The following FOXP1 variants were observed in gnomAD, a reference collection of about 807,000 sequenced individuals.
FOXP1 encodes the protein forkhead box P1.
In FOXP1, 15 loss-of-function variants were observed where a neutral mutation model predicts 98.2. The observed-to-expected ratio is 0.15, with a 90% CI of 0.10 to 0.24. The LOEUF (loss-of-function observed/expected upper bound fraction) is 0.24, where lower values mean the gene tolerates loss of function less well. Ranked by LOEUF, FOXP1 falls within the 10% of genes least tolerant of loss-of-function variation. The probability of loss-of-function intolerance (pLI) is 1.00; values close to 1 mark genes in which losing one functional copy is unlikely to be tolerated. For missense variants in FOXP1, 633 were observed against 848.5 expected (o/e 0.75, Z 3.15); for synonymous variants, 371 against 314.5 (o/e 1.18, Z -1.90).
intron 3 of FOXP1, among the ~76,000 whole-genome samples, chr3:71,420,991 G>GT (rs145402940): frequency 0.012 from 1,825 of 152,164 alleles, 41 homozygotes; most frequent in African/African-American, 0.041. Context: ...CGGACTACAA[G>GT]TTTTTTTACA....
intron 2 of FOXP1, among the ~76,000 whole-genome samples, chr3:71,540,225 C>G (rs2044682401): frequency 1.3e-5 from 2 of 152,196 alleles, no homozygotes; most frequent in Admixed American, 1.3e-4. Context: ...AAGTTCAAGA[C>G]AATGTCACTA....
At chr3:71,500,579 C>T (rs1393620930) in intron 2 of FOXP1, among the ~76,000 whole-genome samples, 1 of 152,238 alleles carries the variant, frequency 6.6e-6, no homozygotes, top group East Asian at 1.9e-4. Context: ...TCTCCACCAT[C>T]TTCCACTACC....
intron 5 of FOXP1, among the ~76,000 whole-genome samples, chr3:71,291,616 A>G (rs1221298309): frequency 6.6e-6 from 1 of 152,116 alleles, no homozygotes. Flanking sequence ...GACAGTACTC[A>G]TATGTTTCAG....
At chr3:71,299,341 C>T (rs947470464) in intron 5 of FOXP1, among the ~76,000 whole-genome samples, 3 of 152,198 alleles carry the variant, frequency 2.0e-5, no homozygotes, top group Admixed American at 2.0e-4. Context: ...GCAGTTACAT[C>T]AATGTGGCGT....
chr3:71,079,077 A>G (rs1280979780), intron 7 of FOXP1, among the ~76,000 whole-genome samples: 1 of 152,162 alleles, frequency 6.6e-6, no homozygotes, highest in Admixed American at 6.5e-5. Context: ...TAAAGCATGT[A>G]GCCAGTATTT....
At chr3:71,182,832 G>A (rs937473699) in intron 6 of FOXP1, among the ~76,000 whole-genome samples, 9 of 151,822 alleles carry the variant, frequency 5.9e-5, no homozygotes, top group African/African-American at 1.2e-4. Context: ...GGCATGAGCC[G>A]CCATGCCTGG....
chr3:71,050,856 T>TTGGC (rs2049791289), intron 9 of FOXP1, among the ~76,000 whole-genome samples: 1 of 152,246 alleles, frequency 6.6e-6, no homozygotes. Flanking sequence ...TCGCAGTTCA[T>TTGGC]TAATTAGAGA....
chr3:71,482,058 A>G (rs1217090392), intron 3 of FOXP1, among the ~76,000 whole-genome samples: 1 of 151,860 alleles, frequency 6.6e-6, no homozygotes, highest in African/African-American at 2.4e-5. Flanking sequence ...ACATCTGATC[A>G]CTCTTGTCCT....
chr3:71,444,513 G>A (rs1481402704), intron 3 of FOXP1, among the ~76,000 whole-genome samples: 2 of 152,058 alleles, frequency 1.3e-5, no homozygotes, highest in East Asian at 1.9e-4. Flanking sequence ...AACTGTCAGG[G>A]CCCTGGCTCC....
chr3:71,401,769 TC>T (rs2081971139), intron 3 of FOXP1, among the ~76,000 whole-genome samples: 1 of 152,154 alleles, frequency 6.6e-6, no homozygotes, highest in Non-Finnish European at 1.5e-5. Flanking sequence ...GACGAGGCTC[TC>T]CCCATTCAAT....
intron 7 of FOXP1, among the ~76,000 whole-genome samples, chr3:71,088,922 A>C (rs1004277772): frequency 2.0e-5 from 3 of 152,210 alleles, no homozygotes; most frequent in Non-Finnish European, 2.9e-5. Context: ...AGTGAAGTGA[A>C]TAATACTTTG....
chr3:71,538,214 G>T (rs2044464512), intron 2 of FOXP1, among the ~76,000 whole-genome samples: 1 of 152,122 alleles, frequency 6.6e-6, no homozygotes, highest in Admixed American at 6.5e-5. Flanking sequence ...TTAAACAATA[G>T]AACTGAATGG....
chr3:71,417,292 G>A (rs1173925270), intron 3 of FOXP1, among the ~76,000 whole-genome samples: 1 of 152,068 alleles, frequency 6.6e-6, no homozygotes, highest in Non-Finnish European at 1.5e-5. Flanking sequence ...GGTTTATTCC[G>A]GCATCTGTTT....
At chr3:71,415,909 A>G (rs1441855966) in intron 3 of FOXP1, among the ~76,000 whole-genome samples, 1 of 152,196 alleles carries the variant, frequency 6.6e-6, no homozygotes, top group Non-Finnish European at 1.5e-5. Flanking sequence ...TAAGTAAACT[A>G]TTTGGTTTGG....
chr3:71,142,456 A>G (rs937484293), intron 6 of FOXP1, among the ~76,000 whole-genome samples: 1 of 152,368 alleles, frequency 6.6e-6, no homozygotes, highest in East Asian at 1.9e-4. Context: ...AACCCTTTCA[A>G]TTGGAGTTTA....
intron 20 of FOXP1, among the ~76,000 whole-genome samples, chr3:70,963,057 G>A (rs531587533): frequency 6.6e-6 from 1 of 152,298 alleles, no homozygotes; most frequent in South Asian, 2.1e-4. Context: ...AATTTTAAAA[G>A]CTGTAGAAGT....
At chr3:71,447,508 C>T (rs186215791) in intron 3 of FOXP1, among the ~76,000 whole-genome samples, 3 of 152,310 alleles carry the variant, frequency 2.0e-5, no homozygotes, top group East Asian at 1.9e-4. Flanking sequence ...TGCATACCAA[C>T]CTGCTCCCAT....
intron 2 of FOXP1, among the ~76,000 whole-genome samples, chr3:71,513,351 C>T (rs1361736633): frequency 6.6e-6 from 1 of 152,122 alleles, no homozygotes; most frequent in African/African-American, 2.4e-5. Flanking sequence ...TGACTCGTGT[C>T]TTTCTCTTAA....
chr3:71,156,787 A>G (rs1006110372), intron 6 of FOXP1, among the ~76,000 whole-genome samples: 18 of 152,216 alleles, frequency 1.2e-4, no homozygotes, highest in Non-Finnish European at 2.2e-4. Context: ...CAAAATCTCT[A>G]TGATTCTGAC....
Sources: gnomAD v4.1 joint callset for allele counts (sites outside exome capture counted in the v4.1 genomes callset) on GRCh38, gnomAD v4.1.1 for gene constraint, MANE v1.5 for transcripts, NCBI Gene and HGNC (gene_info 2026-07-23, HGNC 2026-07-21) for gene names.